Variants in MAP2 observed in about 807,000 individuals in gnomAD.
MAP2 encodes the protein microtubule-associated protein 2.
Under a neutral mutation model 137.6 loss-of-function variants are expected in MAP2, and 14 were observed. The ratio of observed to expected loss-of-function variants is 0.10; its 90% CI spans 0.07 to 0.16. The LOEUF is 0.16. Ranked by LOEUF, MAP2 falls within the 10% of genes least tolerant of loss-of-function variation. The pLI is 1.00. For synonymous variants in MAP2, 786 were observed against 782.3 expected, an observed-to-expected ratio of 1.00 and a Z score of -0.08; for missense variants, 2,088 against 2,191.5, an observed-to-expected ratio of 0.95 and a Z score of 0.94.
intron 1 of MAP2, among the ~76,000 whole-genome samples, chr2:209,493,981 C>T (rs1576244724): frequency 6.6e-6 from 1 of 152,282 alleles, no homozygotes; most frequent in Non-Finnish European, 1.5e-5. Flanking sequence ...GACACATGCA[C>T]TTGTATGTTT....
intron 7 of MAP2, among the ~76,000 whole-genome samples, chr2:209,681,943 C>CT (rs1014259210): frequency 1.6e-4 from 24 of 150,788 alleles, no homozygotes; most frequent in African/African-American, 4.1e-4. Flanking sequence ...TAAATTGAAG[C>CT]TTTTTTTTTC....
chr2:209,461,177 C>T (rs1702713977), intron 1 of MAP2, among the ~76,000 whole-genome samples: 1 of 152,282 alleles, frequency 6.6e-6, no homozygotes, highest in South Asian at 2.1e-4. Flanking sequence ...AAACTATTCA[C>T]AATGGTTCAA....
chr2:209,500,491 C>G (rs1449220091), intron 1 of MAP2, among the ~76,000 whole-genome samples: 1 of 152,198 alleles, frequency 6.6e-6, no homozygotes, highest in East Asian at 1.9e-4. Flanking sequence ...AGGGCTAACT[C>G]AAATGCAACT....
intron 10 of MAP2, among the ~76,000 whole-genome samples, chr2:209,697,999 C>G (rs1421077352): frequency 1.7e-5 from 2 of 116,854 alleles, no homozygotes; most frequent in African/African-American, 5.4e-5. Context: ...CAGGCGTGCA[C>G]CCAGCTAATT....
At chr2:209,556,798 A>G (rs745911732) in intron 2 of MAP2, among the ~76,000 whole-genome samples, 2 of 152,164 alleles carry the variant, frequency 1.3e-5, no homozygotes, top group Non-Finnish European at 2.9e-5. Flanking sequence ...GTTCTAACCT[A>G]CGTTGTAAAA....
intron 3 of MAP2, among the ~76,000 whole-genome samples, chr2:209,582,680 TA>T (rs1216242460): frequency 1.3e-5 from 2 of 151,718 alleles, no homozygotes; most frequent in Non-Finnish European, 2.9e-5. Flanking sequence ...GATAGATAGA[TA>T]GATAGATAGA....
intron 11 of MAP2, among the ~76,000 whole-genome samples, chr2:209,703,593 A>G (rs1046112931): frequency 6.6e-6 from 1 of 152,166 alleles, no homozygotes; most frequent in African/African-American, 2.4e-5. Flanking sequence ...ACAAAATTTA[A>G]GCACTCAGCA....
At chr2:209,584,542 GT>G (rs1165981841) in intron 3 of MAP2, among the ~76,000 whole-genome samples, 1 of 152,106 alleles carries the variant, frequency 6.6e-6, no homozygotes, top group African/African-American at 2.4e-5. Context: ...AAGGAGGTTT[GT>G]TTCTTATTCA....
chr2:209,665,464 A>C (rs1346635795), intron 5 of MAP2, among the ~76,000 whole-genome samples: 1 of 152,196 alleles, frequency 6.6e-6, no homozygotes, highest in East Asian at 1.9e-4. Context: ...TCCTCTGACT[A>C]TAAATAAGGA....
At chr2:209,585,286 G>A (rs1350401637) in intron 3 of MAP2, among the ~76,000 whole-genome samples, 1 of 151,030 alleles carries the variant, frequency 6.6e-6, no homozygotes, top group Non-Finnish European at 1.5e-5. Context: ...GAAGAGGACA[G>A]GGAAGGTTAT....
chr2:209,513,143 GTTC>G (rs2061974588), intron 2 of MAP2, among the ~76,000 whole-genome samples: 1 of 152,128 alleles, frequency 6.6e-6, no homozygotes, highest in South Asian at 2.1e-4. Context: ...AGAGGCGGAT[GTTC>G]TTAATGTCTA....
intron 11 of MAP2, among the ~76,000 whole-genome samples, chr2:209,702,396 A>ATT (rs1031113193): frequency 6.6e-6 from 1 of 151,820 alleles, no homozygotes; most frequent in Non-Finnish European, 1.5e-5. Context: ...TAAAACCCCG[A>ATT]GTAACTTTTA....
At chr2:209,657,053 T>G (rs2041281288) in intron 5 of MAP2, among the ~76,000 whole-genome samples, 1 of 152,242 alleles carries the variant, frequency 6.6e-6, no homozygotes, top group Non-Finnish European at 1.5e-5. Context: ...TCTGAGTTAT[T>G]TCACTTAAGA....
intron 1 of MAP2, among the ~76,000 whole-genome samples, chr2:209,430,728 G>A (rs892395412): frequency 7.9e-5 from 12 of 152,148 alleles, no homozygotes; most frequent in African/African-American, 2.9e-4. Flanking sequence ...CTTTTAAGAA[G>A]TTCAGGTGAC....
chr2:209,524,749 T>C (rs2063772269), intron 2 of MAP2, among the ~76,000 whole-genome samples: 1 of 152,182 alleles, frequency 6.6e-6, no homozygotes, highest in Non-Finnish European at 1.5e-5. Context: ...CACTGGGAAA[T>C]GTTGGTTCAA....
chr2:209,495,801 C>G (rs2059683658), intron 1 of MAP2, among the ~76,000 whole-genome samples: 1 of 152,066 alleles, frequency 6.6e-6, no homozygotes, highest in African/African-American at 2.4e-5. Flanking sequence ...TACTCATTTC[C>G]TATAATTGTT....
chr2:209,540,995 C>A (rs951965543), intron 2 of MAP2, among the ~76,000 whole-genome samples: 1 of 150,990 alleles, frequency 6.6e-6, no homozygotes, highest in African/African-American at 2.5e-5. Flanking sequence ...AAAGTACATA[C>A]CTTAATGAAA....
chr2:209,725,628 G>A (rs1037579668), intron 13 of MAP2, 81 bp from the exon 14 acceptor site: 5 of 761,458 alleles, frequency 6.6e-6, no homozygotes, highest in Non-Finnish European at 1.0e-5. Context: ...GACTTTGGGT[G>A]TGTTTCTAGA....
chr2:209,573,783 A>C (rs187404970), intron 2 of MAP2, among the ~76,000 whole-genome samples: 1 of 152,072 alleles, frequency 6.6e-6, no homozygotes, highest in South Asian at 2.1e-4. Flanking sequence ...GTCACTCTCC[A>C]TTACCCTCTG....
Sources: allele counts gnomAD v4.1 joint callset (sites outside exome capture counted in the v4.1 genomes callset), GRCh38; gene constraint gnomAD v4.1.1; transcripts MANE v1.5; gene names NCBI Gene and HGNC (gene_info 2026-07-23, HGNC 2026-07-21).